DDX20: variants seen among roughly 807,000 people sequenced by gnomAD.
DDX20 encodes the protein DEAD-box helicase 20, also known as probable ATP-dependent RNA helicase DDX20.
Under a neutral mutation model 76.4 loss-of-function variants are expected in DDX20, and 61 were observed. The ratio of observed to expected loss-of-function variants is 0.80; its 90% CI spans 0.65 to 0.99. The LOEUF (loss-of-function observed/expected upper bound fraction) is 0.99. Among genes scored for constraint, DDX20 ranks in the 50% least tolerant of loss-of-function variants. The pLI is 0.00. For missense variants in DDX20, 976 were observed against 996.8 expected (o/e 0.98, Z 0.28); for synonymous variants, 357 against 357.4 (o/e 1.00, Z 0.01).
At chr1:111,760,074 A>C (rs989338576) in intron 3 of DDX20, among the ~76,000 whole-genome samples, 1 of 152,078 alleles carries the variant, frequency 6.6e-6, no homozygotes, top group East Asian at 1.9e-4. Context: ...TCCATTCCTA[A>C]GTATGTTTGA....
In DDX20 at chr1:111,756,685, G is replaced by C. The variant is rs746307914; in HGVS notation, c.341G>C (p.Cys114Ser). 4.3e-6 allele frequency: 7 copies of C among 1,614,176 alleles called. No homozygotes were observed. In the East Asian group the frequency reaches 1.6e-4, roughly 36 times the overall value. ...GCTAAATCTGGCACCGGGAAAACCT[G>C]TGTGTTCTCCACCATAGCTTTGGAC... ...VQAKSGTGKT[C>S]VFSTIALDSL... is the part of the protein sequence containing the mutation. The change falls in exon 2 of 11, where the codon TGT becomes TCT. Residue 114 changes from cysteine (C) to serine (S), a missense_variant. Transcript: ENST00000369702.
chr1:111,762,960 T>A lies in DDX20; in HGVS notation c.1265T>A (p.Met422Lys), dbSNP rs1428642411. Residue 422 changes from methionine (M) to lysine (K), a missense_variant, in exon 10 of 11, where the codon ATG becomes AAG. Met to Lys is a moderately conservative substitution (Grantham distance 95). Around this residue, in one of 3 missense-constraint regions of DDX20, gnomAD observed 630 missense variants for 693.7 expected, o/e 0.91. Transcript: ENST00000369702. ...YCCRGEEENM[M>K]MRIAQKCNIN... ...TGCCGGGGAGAGGAAGAAAATATGA[T>A]GATGAGAATTGCCCAGAAATGTAAT... The A allele has an allele frequency of 6.2e-7, 1 of 1,614,072 alleles. No individual in the cohort carries two copies. The highest frequency in any genetic ancestry group is 1.1e-5 in the South Asian group (1 of 91,078).
At position 111,761,281 on chromosome 1, in the gene DDX20, T is replaced by G. The variant is rs1663669571; in HGVS notation, c.1018T>G (p.Ser340Ala). 1.9e-6 allele frequency: 3 copies of G among 1,612,326 alleles called. No individual in the cohort carries two copies. The highest frequency in any genetic ancestry group is 2.5e-6 in the Non-Finnish European group (3 of 1,179,040). ...SSKGFPAECISGNMNQNQRLD... is the reference protein window; with the variant it reads ...SSKGFPAECIAGNMNQNQRLD... The stretch of plus-strand genomic sequence containing the variant: ...TAAAGGCTTTCCTGCTGAGTGCATT[T>G]CAGGTAAGTTCATCTCTTACTTTAA... The change falls in exon 7 of 11, where the codon TCA (serine) becomes GCA (alanine). Residue 340 changes from serine (S) to alanine (A), a missense_variant. Ser to Ala is a moderately conservative substitution (Grantham distance 99). Coordinates refer to ENST00000369702, the MANE Select transcript of DDX20 (RefSeq NM_007204.5).
At position 111,765,992 on chromosome 1, in the gene DDX20, A is replaced by G; in HGVS notation, c.1568A>G (p.Glu523Gly). The G allele has an allele frequency of 6.2e-7, 1 of 1,614,166 alleles. No individual in the cohort carries two copies. Among genetic ancestry groups the G allele is most frequent in the Non-Finnish European group, 8.5e-7 (1 of 1,180,030 alleles). Residue 523 changes from glutamate (E) to glycine (G), a missense_variant, in exon 11 of 11, where the codon GAA (glutamate) becomes GGA (glycine). This residue lies in a region of DDX20 where 630 missense variants were observed against 693.7 expected (regional missense o/e 0.91). Coordinates refer to ENST00000369702, the MANE Select transcript of DDX20 (RefSeq NM_007204.5). ...KQKLPVKSHSECGIIEKATSP... is the reference protein window; with the variant it reads ...KQKLPVKSHSGCGIIEKATSP... ...AAGCTTCCTGTGAAAAGCCACTCAG[A>G]ATGTGGAATCATAGAAAAAGCAACG...
In DDX20 at chr1:111,760,859, C is replaced by T; in HGVS notation, c.823+11C>T. On this transcript the variant is annotated intron_variant, in intron 5 of 10. Coordinates refer to ENST00000369702, the MANE Select transcript of DDX20 (RefSeq NM_007204.5). ...ATCCAAGTCTCATAGGTGTGTACAG[C>T]TTTTAGGTACTTATATTATTGGTTT... The T allele has an allele frequency of 2.5e-6, 4 of 1,599,894 alleles. No individual in the cohort carries two copies. Among genetic ancestry groups the T allele is most frequent in the Non-Finnish European group, 3.4e-6 (4 of 1,174,540 alleles).
At chr1:111,762,853 G>A in intron 9 of DDX20, 53 bp from the exon 10 acceptor site, 1 of 1,587,018 alleles carries the variant, frequency 6.3e-7, no homozygotes, top group Non-Finnish European at 8.6e-7. Context: ...GGTGGGCTTT[G>A]AATATTATTT....
At chr1:111,759,994 AAGAAATG>A (rs1557921600) in intron 3 of DDX20, among the ~76,000 whole-genome samples, 1 of 138,150 alleles carries the variant, frequency 7.2e-6, no homozygotes, top group African/African-American at 3.3e-5. Flanking sequence ...AAAAAAAAAA[AAGAAATG>A]AAGAGCATTA....
Position 111,767,921 on chromosome 1 carries a change from T to C in DDX20, c.*1022T>C, listed in dbSNP as rs1663815608. 6.6e-6 allele frequency: 1 copy of C among 152,156 alleles called. No individual in the cohort carries two copies. The highest frequency in any genetic ancestry group is 2.1e-4 in the South Asian group (1 of 4,826). 9.4% of individuals were successfully genotyped at this position (152,156 alleles called of 1,614,324 possible). A position where few individuals can be genotyped will look rare whatever the true frequency, so the allele number is the denominator to read the frequency against. ...AATTTTCCCCAGTTTTTACCTCTAA[T>C]GTTAGGATCCAAGAGGAGCTTGGAT... On this transcript the variant is annotated 3_prime_UTR_variant, in exon 11 of 11. Coordinates refer to ENST00000369702, the MANE Select transcript of DDX20 (RefSeq NM_007204.5).
At chr1:111,759,017 A>T (rs1199569453) in intron 2 of DDX20, among the ~76,000 whole-genome samples, 3 of 152,230 alleles carry the variant, frequency 2.0e-5, no homozygotes, top group Non-Finnish European at 4.4e-5. Context: ...TCAGGGCAGG[A>T]TGGAGGAACA....
rs1663545001 is a variant in DDX20, at chr1:111,756,139, C to A, written c.215C>A (p.Pro72Gln). 6.3e-6 allele frequency: 10 copies of A among 1,580,654 alleles called. No individual in the cohort carries two copies. The highest frequency in any genetic ancestry group is 7.7e-6 in the Non-Finnish European group (9 of 1,171,550). Reference protein sequence around the residue: ...ADFESLLLSRPVLEGLRAAGF... With the variant: ...ADFESLLLSRQVLEGLRAAGF... Reference sequence around the variant, plus strand: ...TTCGAGTCACTGCTGCTTTCGCGGCCGGTGCTGGAGGGGCTGCGGGCGGCC... The same window carrying A: ...TTCGAGTCACTGCTGCTTTCGCGGCAGGTGCTGGAGGGGCTGCGGGCGGCC... The change falls in exon 1 of 11, where the codon CCG (proline) becomes CAG (glutamine). Residue 72 changes from proline (P) to glutamine (Q), a missense_variant. By Grantham distance (76) the Pro-to-Gln change is moderately conservative (BLOSUM62 -1). Coordinates refer to ENST00000369702, the MANE Select transcript of DDX20 (RefSeq NM_007204.5).
At position 111,766,103 on chromosome 1, in the gene DDX20, G is replaced by C. The variant is rs769621096; in HGVS notation, c.1679G>C (p.Ser560Thr). ...ACTCCCGTTGAAAACTCCACCAACA[G>C]TCAGCACCAGGTCAAAGAAGCTTTA... ...VQTPVENSTN[S>T]QHQVKEALPV... The change falls in exon 11 of 11, where the codon AGT becomes ACT. Residue 560 changes from serine (S) to threonine (T), a missense_variant. Coordinates refer to ENST00000369702, the MANE Select transcript of DDX20 (RefSeq NM_007204.5). 2.1e-5 allele frequency: 34 copies of C among 1,614,188 alleles called. No individual in the cohort carries two copies. The highest frequency in any genetic ancestry group is 2.8e-5 in the Non-Finnish European group (33 of 1,180,042).
chr1:111,760,603 T>C lies in DDX20; in HGVS notation c.680+15T>C, dbSNP rs1663653177. ...GAGCAAATAAAGTAAGAAAAATAAC[T>C]AACTTGACTATTAAAACAGTGTTCC... On this transcript the variant is annotated intron_variant, in intron 4 of 10. Transcript: ENST00000369702. The C allele has an allele frequency of 2.5e-6, 4 of 1,601,890 alleles. No homozygotes were observed. The highest frequency in any genetic ancestry group is 3.4e-6 in the Non-Finnish European group (4 of 1,174,862).
chr1:111,755,968 C>T lies in DDX20; in HGVS notation c.44C>T (p.Ala15Val), dbSNP rs1382255209. 4.4e-6 allele frequency: 7 copies of T among 1,595,270 alleles called. No homozygotes were observed. Among genetic ancestry groups the T allele is most frequent in the South Asian group, 3.3e-5 (3 of 89,866 alleles). Residue 15 changes from alanine (A) to valine (V), a missense_variant, in exon 1 of 11, where the codon GCG becomes GTG. By Grantham distance (64) the Ala-to-Val change is moderately conservative (BLOSUM62 0). Transcript: ENST00000369702. Reference protein sequence around the residue: ...FEASGALAAVATAMPAEHVAV... With the variant: ...FEASGALAAVVTAMPAEHVAV... ...GCCTCGGGAGCCTTAGCAGCAGTGG[C>T]GACTGCTATGCCGGCTGAGCATGTG...
rs1252734330 is a variant in DDX20 at position 111,760,931 on chromosome 1, T to G, written c.824-56T>G. 7 of 1,599,486 alleles carry G rather than the reference T, an allele frequency of 4.4e-6. No homozygotes were observed. In the African/African-American group the frequency reaches 8.1e-5, roughly 18 times the overall value. ...TCCCTTGCCTAGTTTTGTCTTGCTG[T>G]TTCATGGTTACCATTAGCATATATA... On this transcript the variant is annotated intron_variant, in intron 5 of 10. Transcript: ENST00000369702.
In DDX20 at chr1:111,760,490, C is replaced by A; in HGVS notation, c.582C>A (p.Leu194=). Residue 194 remains leucine, a synonymous_variant, in exon 4 of 11, where the codon CTC becomes CTA. Coordinates refer to ENST00000369702, the MANE Select transcript of DDX20 (RefSeq NM_007204.5). ...AVGSPGRIKQ[L]IELDYLNPGS... ...TTTAATTAGGCAGAATTAAGCAACT[C>A]ATAGAACTTGACTACTTGAACCCAG... The A allele has an allele frequency of 6.3e-7, 1 of 1,596,280 alleles. No individual in the cohort carries two copies. Among genetic ancestry groups the A allele is most frequent in the Non-Finnish European group, 8.5e-7 (1 of 1,174,992 alleles).
intron 1 of DDX20, 63 bp from the exon 2 acceptor site, chr1:111,756,583 A>C: frequency 2.1e-6 from 3 of 1,398,562 alleles, no homozygotes; most frequent in Non-Finnish European, 3.0e-6. Flanking sequence ...CTCTGATTCC[A>C]TGTTAGCCCC....
At position 111,755,920 on chromosome 1, in the gene DDX20, C is replaced by T. The variant is rs555405634; in HGVS notation, c.-5C>T. ...AGCACCGCGAGATCTGACGGCGCGGCTACCATGGCGGCGGCATTTGAAGCC... is the reference window on the plus strand; with the variant it reads ...AGCACCGCGAGATCTGACGGCGCGGTTACCATGGCGGCGGCATTTGAAGCC... On this transcript the variant is annotated 5_prime_UTR_variant, in exon 1 of 11. Transcript: ENST00000369702. 181 of 1,568,210 alleles carry T rather than the reference C, an allele frequency of 1.2e-4. 1 individual carries two copies. The South Asian group carries it at 2.0e-3, about 17-fold the overall frequency.
chr1:111,761,381 G>A lies in DDX20; in HGVS notation c.1021+97G>A, dbSNP rs115645860. On this transcript the variant is annotated intron_variant, in intron 7 of 10. Transcript: ENST00000369702. ...TACCACTTTATGAGTTGTCTTGAGA[G>A]TGTGAAATTATCTTGTATCTTTTAG... 2,605 of 955,500 alleles carry A rather than the reference G, an allele frequency of 2.7e-3. 41 individuals carry two copies. The African/African-American group carries it at 0.039, about 14-fold the overall frequency. 59.2% of individuals were successfully genotyped at this position (955,500 alleles called of 1,614,324 possible).
intron 10 of DDX20, among the ~76,000 whole-genome samples, chr1:111,765,178 T>G (rs1421648114): frequency 6.6e-6 from 1 of 152,222 alleles, no homozygotes; most frequent in Non-Finnish European, 1.5e-5. Context: ...ATTAGAAATG[T>G]CATTTCTGAT....
Sources: gnomAD v4.1 joint callset for allele counts (sites outside exome capture counted in the v4.1 genomes callset) on GRCh38, gnomAD v4.1.1 for gene constraint, gnomAD v4.1.1 regional missense constraint, MANE v1.5 for transcripts, NCBI Gene and HGNC (gene_info 2026-07-23, HGNC 2026-07-21) for gene names.